CERS3: variants seen among roughly 807,000 people sequenced by gnomAD.
CERS3 encodes the protein LAG1 homolog, ceramide synthase 3.
Under a neutral mutation model 50.3 loss-of-function variants are expected in CERS3, and 33 were observed. The ratio of observed to expected loss-of-function variants is 0.66; its 90% CI spans 0.50 to 0.88. The LOEUF (loss-of-function observed/expected upper bound fraction) is 0.88, where lower values mean the gene tolerates loss of function less well. Ranked by LOEUF, CERS3 falls within the 40% of genes least tolerant of loss-of-function variation. CERS3 has a pLI of 0.00. For missense variants in CERS3, 470 were observed against 460.3 expected (o/e 1.02, Z -0.19); for synonymous variants, 176 against 155.2 (o/e 1.13, Z -0.99).
intron 2 of CERS3, among the ~76,000 whole-genome samples, chr15:100,505,009 G>T (rs954536615): frequency 2.0e-5 from 3 of 152,154 alleles, no homozygotes; most frequent in African/African-American, 7.2e-5. Flanking sequence ...GGCCACAGAG[G>T]CTCTCTGTAA....
At chr15:100,535,222 G>C (rs116502735) in intron 1 of CERS3, among the ~76,000 whole-genome samples, 2,275 of 152,226 alleles carry the variant, frequency 0.015, 66 homozygotes, top group African/African-American at 0.052. Context: ...ATGTTACTTT[G>C]TAACAGACTT....
Position 100,521,717 on chromosome 15 carries a change from G to GTGTATA in CERS3, c.-53_-52insTATACA, listed in dbSNP as rs1555535538. The GTGTATA allele has an allele frequency of 7.7e-4, 117 of 151,774 alleles. 1 individual carries two copies. The highest frequency in any genetic ancestry group is 2.5e-3 in the African/African-American group (104 of 41,402). The allele number at this position is 151,774 out of a possible 1,614,324, so 9.4% of individuals were successfully genotyped here. A position where few individuals can be genotyped will look rare whatever the true frequency, so the allele number is the denominator to read the frequency against. On this transcript the variant is annotated 5_prime_UTR_variant, in exon 2 of 12. Coordinates refer to ENST00000679737, the MANE Select transcript of CERS3 (RefSeq NM_001378789.1). ...TGAGGAACTCAAATACTGTATATAT[G>GTGTATA]TATATATATATAAATGTCAGCTTTT...
intron 2 of CERS3, among the ~76,000 whole-genome samples, chr15:100,503,201 C>T (rs190653772): frequency 2.0e-5 from 3 of 152,250 alleles, no homozygotes; most frequent in Admixed American, 1.3e-4. Context: ...ACCTCTTAAT[C>T]GGGAAATAAC....
chr15:100,516,886 C>A (rs1168836764), intron 2 of CERS3, among the ~76,000 whole-genome samples: 1 of 152,238 alleles, frequency 6.6e-6, no homozygotes, highest in Non-Finnish European at 1.5e-5. Context: ...TCCCTCCCAA[C>A]CTCAGCAAAC....
At chr15:100,507,830 G>C (rs1029307795) in intron 2 of CERS3, among the ~76,000 whole-genome samples, 4 of 152,216 alleles carry the variant, frequency 2.6e-5, no homozygotes, top group Non-Finnish European at 5.9e-5. Flanking sequence ...TCCTGCCGAG[G>C]CAGCGGCGGC....
In CERS3 at chr15:100,440,764, C is replaced by A. The variant is rs140165389; in HGVS notation, c.999+15129G>T. Reference sequence around the variant, plus strand: ...CACCAATTTCAAATCCGGTAAGCGGCCTCTTTTTACTGTCTTCTCGAACCT... The same window carrying A: ...CACCAATTTCAAATCCGGTAAGCGGACTCTTTTTACTGTCTTCTCGAACCT... On this transcript the variant is annotated intron_variant, in intron 11 of 11. Transcript: ENST00000679737. Among the ~76,000 whole-genome samples, 149 of 152,356 alleles carry A rather than the reference C, an allele frequency of 9.8e-4. 3 individuals carry two copies. In the East Asian group the frequency reaches 0.012, roughly 12 times the overall value.
intron 1 of CERS3, among the ~76,000 whole-genome samples, chr15:100,522,117 T>C (rs2036657636): frequency 6.6e-6 from 1 of 152,362 alleles, no homozygotes; most frequent in South Asian, 2.1e-4. Flanking sequence ...TGACTCCTTA[T>C]GTTGCTAACA....
At chr15:100,430,272 A>G (rs1221720183) in intron 11 of CERS3, among the ~76,000 whole-genome samples, 1 of 151,944 alleles carries the variant, frequency 6.6e-6, no homozygotes, top group African/African-American at 2.4e-5. Context: ...AGATCACGCC[A>G]CTGCACTCCA....
Position 100,435,777 on chromosome 15 carries a change from G to GA in CERS3, c.999+20115dup, listed in dbSNP as rs546826670. Among the ~76,000 whole-genome samples the GA allele has an allele frequency of 7.1e-3, 1,084 of 152,148 alleles. 13 individuals are homozygous for GA. The highest frequency in any genetic ancestry group is 0.025 in the African/African-American group (1,019 of 41,492). On this transcript the variant is annotated intron_variant, in intron 11 of 11. Coordinates refer to ENST00000679737, the MANE Select transcript of CERS3 (RefSeq NM_001378789.1). Reference sequence around the variant, plus strand: ...ACAATGAACTTAAACAAATTTACAAGAAAAAAACAAACAACCCCATCAAAA... The same window carrying GA: ...ACAATGAACTTAAACAAATTTACAAGAAAAAAAACAAACAACCCCATCAAAA...
chr15:100,501,922 G>C (rs1340687270), intron 2 of CERS3, 72 bp from the exon 3 acceptor site: 1 of 1,486,902 alleles, frequency 6.7e-7, no homozygotes, highest in Non-Finnish European at 9.3e-7. Flanking sequence ...GATCACCTTG[G>C]CTCAAAATGC....
chr15:100,496,872 A>G (rs1451009407), intron 3 of CERS3, among the ~76,000 whole-genome samples: 1 of 152,210 alleles, frequency 6.6e-6, no homozygotes, highest in African/African-American at 2.4e-5. Flanking sequence ...GAAGTTGAAT[A>G]AAAACTCTCC....
chr15:100,526,651 A>C (rs914580968), intron 1 of CERS3, among the ~76,000 whole-genome samples: 1 of 152,150 alleles, frequency 6.6e-6, no homozygotes, highest in African/African-American at 2.4e-5. Flanking sequence ...AGGCTGTTTG[A>C]AAGCTGGATC....
intron 11 of CERS3, among the ~76,000 whole-genome samples, chr15:100,453,868 C>T (rs1160710110): frequency 6.6e-6 from 1 of 152,012 alleles, no homozygotes; most frequent in African/African-American, 2.4e-5. Flanking sequence ...TGAAAAAGAA[C>T]TCAATAAGGG....
At chr15:100,442,599 C>T (rs559874756) in intron 11 of CERS3, among the ~76,000 whole-genome samples, 36 of 152,160 alleles carry the variant, frequency 2.4e-4, no homozygotes, top group African/African-American at 8.0e-4. Context: ...AAGGAATGCT[C>T]GCAGCCTGGG....
intron 2 of CERS3, among the ~76,000 whole-genome samples, chr15:100,509,735 AC>A (rs977216165): frequency 6.6e-6 from 1 of 152,144 alleles, no homozygotes. Context: ...TAACAAAAGG[AC>A]CTTCTCTGTC....
chr15:100,483,905 C>T (rs1011242284), intron 5 of CERS3, among the ~76,000 whole-genome samples: 2 of 150,470 alleles, frequency 1.3e-5, no homozygotes, highest in Non-Finnish European at 3.0e-5. Context: ...CTCAGCCTCC[C>T]GAGTAGCTGG....
chr15:100,436,458 AC>A (rs1410107300), intron 11 of CERS3, among the ~76,000 whole-genome samples: 1 of 152,032 alleles, frequency 6.6e-6, no homozygotes, highest in Non-Finnish European at 1.5e-5. Context: ...AACATCACAC[AC>A]CGAGGCCTAT....
rs1455476168 is a variant in CERS3, at chr15:100,501,096, GA to G, written c.173+580del. Among the ~76,000 whole-genome samples, 3 of 152,004 alleles carry G rather than the reference GA, an allele frequency of 2.0e-5. No homozygotes were observed. In the East Asian group the frequency reaches 5.8e-4, roughly 29 times the overall value. On this transcript the variant is annotated intron_variant, in intron 3 of 11. Coordinates refer to ENST00000679737, the MANE Select transcript of CERS3 (RefSeq NM_001378789.1). Reference sequence around the variant, plus strand: ...ATAATATCCATTTAAATTAAATCAAGAAAAAAATAAGTTTACTTTTTCTGAG... The same window carrying G: ...ATAATATCCATTTAAATTAAATCAAGAAAAAATAAGTTTACTTTTTCTGAG...
At chr15:100,538,627 C>T (rs535394808) in intron 1 of CERS3, among the ~76,000 whole-genome samples, 38 of 152,342 alleles carry the variant, frequency 2.5e-4, no homozygotes, top group African/African-American at 7.9e-4. Flanking sequence ...TGAGACTGCA[C>T]GAAGCAGCCA....
Sources: allele counts gnomAD v4.1 joint callset (sites outside exome capture counted in the v4.1 genomes callset), GRCh38; gene constraint gnomAD v4.1.1; transcripts MANE v1.5; gene names NCBI Gene and HGNC (gene_info 2026-07-23, HGNC 2026-07-21).